REEP3: variants seen among roughly 807,000 people sequenced by gnomAD.
The protein encoded by REEP3 is receptor expression-enhancing protein 3.
In REEP3, 20 loss-of-function variants were observed where a neutral mutation model predicts 41.3. The ratio of observed to expected loss-of-function variants is 0.48; its 90% confidence interval spans 0.34 to 0.70. REEP3 has a LOEUF of 0.70. Among genes scored for constraint, REEP3 ranks in the 30% least tolerant of loss-of-function variants. The pLI is 0.01. For missense variants in REEP3, 271 were observed against 308.8 expected (o/e 0.88, Z 0.92); for synonymous variants, 104 against 101.8 (o/e 1.02, Z -0.13).
chr10:63,559,263 T>C (rs1955719516), intron 1 of REEP3, among the ~76,000 whole-genome samples: 1 of 152,194 alleles, frequency 6.6e-6, no homozygotes, highest in Non-Finnish European at 1.5e-5. Flanking sequence ...AACTATGATA[T>C]TTATGGATTT....
chr10:63,590,150 C>T (rs923015069), intron 2 of REEP3, among the ~76,000 whole-genome samples: 1 of 152,118 alleles, frequency 6.6e-6, no homozygotes, highest in African/African-American at 2.4e-5. Flanking sequence ...AGGCTGGCCT[C>T]GAATTCCTGG....
intron 1 of REEP3, among the ~76,000 whole-genome samples, chr10:63,553,720 G>C (rs949724161): frequency 6.6e-5 from 10 of 152,136 alleles, no homozygotes; most frequent in Admixed American, 3.9e-4. Flanking sequence ...TTAATTTGTA[G>C]AGACGGATGT....
chr10:63,592,257 A>G (rs1956071040), intron 2 of REEP3, among the ~76,000 whole-genome samples: 1 of 152,152 alleles, frequency 6.6e-6, no homozygotes, highest in Non-Finnish European at 1.5e-5. Context: ...TAGTGCAGTG[A>G]TCTTGAGCAA....
intron 1 of REEP3, among the ~76,000 whole-genome samples, chr10:63,546,789 G>GC (rs1391844582): frequency 1.3e-5 from 2 of 152,176 alleles, no homozygotes; most frequent in Non-Finnish European, 2.9e-5. Context: ...ATGATTGTAT[G>GC]CCAATTGGAT....
intron 1 of REEP3, among the ~76,000 whole-genome samples, chr10:63,537,772 CATG>C (rs1435586144): frequency 6.6e-6 from 1 of 152,134 alleles, no homozygotes; most frequent in Non-Finnish European, 1.5e-5. Context: ...CTGCACCTGT[CATG>C]ATGAGTATGT....
intron 1 of REEP3, among the ~76,000 whole-genome samples, chr10:63,555,142 T>C (rs1228025613): frequency 6.6e-6 from 1 of 152,172 alleles, no homozygotes. Flanking sequence ...TTTTGATGAG[T>C]ATTATGAAAA....
intron 2 of REEP3, among the ~76,000 whole-genome samples, chr10:63,587,756 C>T (rs2133395574): frequency 6.6e-6 from 1 of 152,310 alleles, no homozygotes; most frequent in South Asian, 2.1e-4. Context: ...TCAAAAGCCT[C>T]ACCTCATATT....
At chr10:63,582,701 C>T (rs1346211637) in intron 2 of REEP3, among the ~76,000 whole-genome samples, 3 of 152,164 alleles carry the variant, frequency 2.0e-5, no homozygotes, top group Non-Finnish European at 4.4e-5. Context: ...CCAAATGTCT[C>T]CGTCAGTGAA....
chr10:63,587,220 G>T (rs1409706121), intron 2 of REEP3, among the ~76,000 whole-genome samples: 1 of 152,140 alleles, frequency 6.6e-6, no homozygotes, highest in Non-Finnish European at 1.5e-5. Context: ...CTCTAGCTCT[G>T]CCTCTGTCTG....
intron 1 of REEP3, 89 bp downstream of exon 1, chr10:63,521,666 G>A (rs542628785): frequency 3.4e-5 from 33 of 977,974 alleles, no homozygotes; most frequent in African/African-American, 1.4e-4. Context: ...GGGAAGGCCT[G>A]GGCCTGGGCG....
chr10:63,540,918 T>G (rs1955522141), intron 1 of REEP3, among the ~76,000 whole-genome samples: 1 of 152,152 alleles, frequency 6.6e-6, no homozygotes, highest in African/African-American at 2.4e-5. Context: ...CATATATTTT[T>G]AAGATCCCAT....
chr10:63,608,967 T>C (rs1197610054), intron 5 of REEP3, among the ~76,000 whole-genome samples: 5 of 152,208 alleles, frequency 3.3e-5, no homozygotes, highest in African/African-American at 7.2e-5. Context: ...TGCCATATTG[T>C]TAAGGGAAAG....
At chr10:63,575,685 T>A in intron 2 of REEP3, among the ~76,000 whole-genome samples, 1 of 152,206 alleles carries the variant, frequency 6.6e-6, no homozygotes, top group Non-Finnish European at 1.5e-5. Flanking sequence ...TGTGCTTAGT[T>A]CCTGAGAATA....
chr10:63,617,866 C>T (rs1956324113), intron 6 of REEP3, among the ~76,000 whole-genome samples: 1 of 142,184 alleles, frequency 7.0e-6, no homozygotes, highest in Non-Finnish European at 1.5e-5. Flanking sequence ...GCTCTGTCAC[C>T]CAAGCTGGAG....
At chr10:63,540,336 C>G (rs1398199534) in intron 1 of REEP3, among the ~76,000 whole-genome samples, 1 of 152,178 alleles carries the variant, frequency 6.6e-6, no homozygotes, top group Non-Finnish European at 1.5e-5. Flanking sequence ...CTGTACAGCA[C>G]ATTTGTAGCA....
intron 5 of REEP3, chr10:63,606,263 T>TTTTTC (rs142517247): frequency 6.6e-6 from 1 of 151,554 alleles, no homozygotes; most frequent in Non-Finnish European, 1.4e-5. Context: ...GAACTTTTCT[T>TTTTTC]TTTCTTTCTT....
intron 2 of REEP3, among the ~76,000 whole-genome samples, chr10:63,578,781 CATAAAAATAAAAATAAAGTA>C (rs1955920811): frequency 6.6e-6 from 1 of 152,004 alleles, no homozygotes. Context: ...TGTCTCGAAA[CATAAAAATAAAAATAAAGTA>C]ATACATACTG....
chr10:63,544,859 C>T (rs947286364), intron 1 of REEP3, among the ~76,000 whole-genome samples: 2 of 152,154 alleles, frequency 1.3e-5, no homozygotes, highest in African/African-American at 2.4e-5. Context: ...TTTGAGAAGA[C>T]GACCCAATTC....
chr10:63,615,118 A>G (rs1223247081), intron 6 of REEP3, among the ~76,000 whole-genome samples: 1 of 152,212 alleles, frequency 6.6e-6, no homozygotes, highest in East Asian at 1.9e-4. Flanking sequence ...ATGGATTAAT[A>G]TACCTAATTT....
Sources: gnomAD v4.1 joint callset for allele counts (sites outside exome capture counted in the v4.1 genomes callset) on GRCh38, gnomAD v4.1.1 for gene constraint, MANE v1.5 for transcripts, NCBI Gene and HGNC (gene_info 2026-07-23, HGNC 2026-07-21) for gene names.